TXNL4A: variants seen among roughly 807,000 people sequenced by gnomAD.
TXNL4A encodes the protein thioredoxin like 4A, also known as thioredoxin-like protein 4A.
In TXNL4A, 17 loss-of-function variants were observed where a neutral mutation model predicts 14.6. The observed-to-expected ratio is 1.16, with a 90% CI of 0.80 to 1.74. TXNL4A has a LOEUF of 1.74. Among genes scored for constraint, TXNL4A ranks in the 40% most tolerant of loss-of-function variants. The pLI is 0.00. For missense variants in TXNL4A, 74 were observed against 195.2 expected, an observed-to-expected ratio of 0.38 and a Z score of 3.70; for synonymous variants, 83 against 70.6, an observed-to-expected ratio of 1.18 and a Z score of -0.88.
Position 79,977,670 on chromosome 18 carries a change from T to C in TXNL4A, c.185A>G (p.Asp62Gly). 1 of 1,610,698 alleles carries C rather than the reference T, an allele frequency of 6.2e-7. No homozygotes were observed. The highest frequency in any genetic ancestry group is 8.5e-7 in the Non-Finnish European group (1 of 1,178,722). Reference protein sequence around the residue: ...VKNFAVIYLVDITEVPDFNKM... With the variant: ...VKNFAVIYLVGITEVPDFNKM... ...GTTGAAGTCAGGCACTTCTGTAATA[T>C]CCACAAGATAAATAACTGCAAAATT... The change falls in exon 2 of 3, where the codon GAT becomes GGT. Residue 62 changes from aspartate to glycine, a missense_variant. Asp to Gly is a moderately conservative substitution (Grantham distance 94). Transcript: ENST00000269601.
rs1330752214 is a variant in TXNL4A at position 79,978,990 on chromosome 18, T to C, written c.154-1289A>G. On this transcript the variant is annotated intron_variant, in intron 1 of 2. Coordinates refer to ENST00000269601, the MANE Select transcript of TXNL4A (RefSeq NM_006701.5). ...TCTCGATCTGTCGCCTGGTCTGGAG[T>C]GCAGTTGCATGATCTTGGCTCACTG... Among the ~76,000 whole-genome samples the C allele has an allele frequency of 2.6e-5, 4 of 151,600 alleles. No individual in the cohort carries two copies. The South Asian group carries it at 6.3e-4, about 24-fold the overall frequency.
intron 1 of TXNL4A, among the ~76,000 whole-genome samples, chr18:80,021,352 A>G (rs2051847709): frequency 6.6e-6 from 1 of 151,630 alleles, no homozygotes; most frequent in Non-Finnish European, 1.5e-5. Context: ...AATTTTTTGT[A>G]TTTTTTAGTG....
chr18:80,020,982 A>C (rs531256880), intron 1 of TXNL4A, among the ~76,000 whole-genome samples: 88 of 152,304 alleles, frequency 5.8e-4, no homozygotes, highest in African/African-American at 1.7e-3. Context: ...CTAGAAAATA[A>C]AGAGCGTTAG....
chr18:80,030,983 T>C (rs1230620419), intron 1 of TXNL4A, among the ~76,000 whole-genome samples: 1 of 151,936 alleles, frequency 6.6e-6, no homozygotes, highest in African/African-American at 2.4e-5. Flanking sequence ...AATGAACAAA[T>C]AAAAACACTC....
upstream of TXNL4A, among the ~76,000 whole-genome samples, chr18:79,993,499 A>G (rs2051641282): frequency 6.6e-6 from 1 of 152,164 alleles, no homozygotes; most frequent in Admixed American, 6.5e-5. This position sits in a 1 kb window ranked among gnomAD's most constrained non-coding sequence, Gnocchi z 4.4. Flanking sequence ...GTTAGCATGA[A>G]CAACCCACTG....
intron 1 of TXNL4A, among the ~76,000 whole-genome samples, chr18:79,997,448 A>AAAT (rs34671057): frequency 0.76 from 114,726 of 151,154 alleles, 44,829 homozygotes; most frequent in East Asian, 0.92. Flanking sequence ...TGAGGGCAAT[A>AAAT]AATATGGCAA....
At chr18:79,986,484 AGT>A in intron 1 of TXNL4A, 1 of 826,122 alleles carries the variant, frequency 1.2e-6, no homozygotes, top group South Asian at 5.5e-5. Context: ...ACTGTCCTTA[AGT>A]GTGTGTCCAC....
chr18:80,007,226 C>T (rs543679157), intron 1 of TXNL4A, among the ~76,000 whole-genome samples: 9 of 152,200 alleles, frequency 5.9e-5, no homozygotes, highest in Admixed American at 1.3e-4. Context: ...TCTCAGACAC[C>T]GAGTTGTAGA....
chr18:79,988,156 C>G, intron 1 of TXNL4A, 84 bp downstream of exon 1: 1 of 1,317,942 alleles, frequency 7.6e-7, no homozygotes, highest in African/African-American at 1.5e-5. Context: ...GAACAGCTCG[C>G]GCCCCCAGGC....
upstream of TXNL4A, among the ~76,000 whole-genome samples, chr18:79,990,911 T>C (rs959313320): frequency 1.9e-4 from 29 of 151,426 alleles, no homozygotes; most frequent in African/African-American, 6.1e-4. Context: ...GAGACCATCC[T>C]GGCTAACACG....
rs963630503 is a variant in TXNL4A, at chr18:80,008,934, C to T, written c.-61+24917G>A. Among the ~76,000 whole-genome samples, 4 of 152,184 alleles carry T rather than the reference C, an allele frequency of 2.6e-5. 1 individual carries two copies. The highest frequency in any genetic ancestry group is 7.2e-5 in the African/African-American group (3 of 41,454). On this transcript the variant is annotated intron_variant, in intron 1 of 2. Transcript: ENST00000585474. ...CTGGGATTACAGGCGTGAGCCACCACGCCCGACTAATTTTTGTATTTTCAG... is the reference window on the plus strand; with the variant it reads ...CTGGGATTACAGGCGTGAGCCACCATGCCCGACTAATTTTTGTATTTTCAG...
At chr18:80,017,788 C>T (rs2051822059) in intron 1 of TXNL4A, among the ~76,000 whole-genome samples, 1 of 152,106 alleles carries the variant, frequency 6.6e-6, no homozygotes, top group South Asian at 2.1e-4. Context: ...AGGATTTTTA[C>T]ATCAATGTTC....
At chr18:80,021,031 A>G (rs1402373056) in intron 1 of TXNL4A, among the ~76,000 whole-genome samples, 9 of 152,148 alleles carry the variant, frequency 5.9e-5, no homozygotes. Flanking sequence ...GGCACAGAGG[A>G]TAATATTATA....
Position 79,982,883 on chromosome 18 carries a change from T to C in TXNL4A, c.154-5182A>G, listed in dbSNP as rs930696736. ...AGCTGAGGGCAAACATCAGCAAACATCCAGCAGCATCTGCTGGTGGCGACA... is the reference window on the plus strand; with the variant it reads ...AGCTGAGGGCAAACATCAGCAAACACCCAGCAGCATCTGCTGGTGGCGACA... On this transcript the variant is annotated intron_variant, in intron 1 of 2. Coordinates refer to ENST00000269601, the MANE Select transcript of TXNL4A (RefSeq NM_006701.5). This position sits in a 1 kb window ranked among gnomAD's most constrained non-coding sequence, Gnocchi z 4.0. Among the ~76,000 whole-genome samples the C allele has an allele frequency of 1.3e-5, 2 of 152,076 alleles. No individual in the cohort carries two copies. Among genetic ancestry groups the C allele is most frequent in the African/African-American group, 4.8e-5 (2 of 41,396 alleles).
upstream of TXNL4A, among the ~76,000 whole-genome samples, chr18:79,989,235 C>T (rs1338653814): frequency 1.3e-5 from 2 of 152,182 alleles, no homozygotes; most frequent in Non-Finnish European, 2.9e-5. Flanking sequence ...CTGCCTCCGC[C>T]TCCCCATAAG....
At chr18:80,028,488 T>C (rs1333680156) in intron 1 of TXNL4A, among the ~76,000 whole-genome samples, 1 of 152,168 alleles carries the variant, frequency 6.6e-6, no homozygotes, top group African/African-American at 2.4e-5. Context: ...CTCATGACTG[T>C]GTTCTGATGA....
chr18:79,981,537 C>T (rs1050136597), intron 1 of TXNL4A, among the ~76,000 whole-genome samples: 4 of 151,770 alleles, frequency 2.6e-5, no homozygotes, highest in East Asian at 1.9e-4. Context: ...CTGGGTGTGG[C>T]GGTGCACGCC....
intron 1 of TXNL4A, among the ~76,000 whole-genome samples, chr18:80,007,795 A>T (rs945692206): frequency 2.6e-5 from 4 of 152,046 alleles, no homozygotes; most frequent in African/African-American, 7.2e-5. Flanking sequence ...ATACTAGGGA[A>T]GTTTGATTAC....
chr18:79,991,926 G>A (rs1599735535), upstream of TXNL4A, among the ~76,000 whole-genome samples: 1 of 152,328 alleles, frequency 6.6e-6, no homozygotes, highest in East Asian at 1.9e-4. Flanking sequence ...ATACATTTTA[G>A]GGAGGCATGA....
Sources: allele counts gnomAD v4.1 joint callset (sites outside exome capture counted in the v4.1 genomes callset), GRCh38; gene constraint gnomAD v4.1.1; non-coding constraint Gnocchi (gnomAD v3.1); transcripts MANE v1.5; gene names NCBI Gene and HGNC (gene_info 2026-07-23, HGNC 2026-07-21).